RBFOX1: variants seen among roughly 807,000 people sequenced by gnomAD.
The protein encoded by RBFOX1 is RNA binding protein fox-1 homolog 1.
RBFOX1 carries 8 observed loss-of-function variants against 57.7 expected under a neutral mutation model. That is an observed-to-expected ratio of 0.14 (90% CI 0.08 to 0.25). The LOEUF is 0.25. Ranked by LOEUF, RBFOX1 falls within the 10% of genes least tolerant of loss-of-function variation. The pLI, the probability that RBFOX1 is intolerant of heterozygous loss-of-function variation, is 1.00. For missense variants in RBFOX1, 611 were observed against 548.5 expected, an observed-to-expected ratio of 1.11 and a Z score of -1.14; for synonymous variants, 326 against 222.4, an observed-to-expected ratio of 1.47 and a Z score of -4.15.
At chr16:6,864,024 A>C (rs1421597365) in intron 3 of RBFOX1, among the ~76,000 whole-genome samples, 1 of 150,514 alleles carries the variant, frequency 6.6e-6, no homozygotes, top group South Asian at 2.1e-4. Flanking sequence ...ATGCCTTGCA[A>C]AACCTCTAAT....
At chr16:6,658,571 C>T (rs149109646) in intron 3 of RBFOX1, among the ~76,000 whole-genome samples, 1 of 152,062 alleles carries the variant, frequency 6.6e-6, no homozygotes, top group Admixed American at 6.6e-5. Flanking sequence ...AGTCTGGGCT[C>T]GATCTGAGAC....
chr16:6,839,448 C>T (rs1009835473), intron 3 of RBFOX1, among the ~76,000 whole-genome samples: 9 of 152,292 alleles, frequency 5.9e-5, no homozygotes, highest in Non-Finnish European at 1.3e-4. Flanking sequence ...ATTTAACATG[C>T]TTCTGCTATC....
At chr16:7,476,918 A>G (rs978417997) in intron 4 of RBFOX1, among the ~76,000 whole-genome samples, 30 of 152,290 alleles carry the variant, frequency 2.0e-4, no homozygotes, top group African/African-American at 6.7e-4. Context: ...TTTTTCCCCC[A>G]AAGCTTTACC....
chr16:7,584,277 T>A (rs79163126), intron 6 of RBFOX1, among the ~76,000 whole-genome samples: 2,392 of 152,290 alleles, frequency 0.016, 78 homozygotes, highest in African/African-American at 0.055. Context: ...TGTGTGTGCC[T>A]GTAAGCTTCT....
chr16:6,279,129 G>T (rs1205961039), intron 1 of RBFOX1, among the ~76,000 whole-genome samples: 1 of 152,116 alleles, frequency 6.6e-6, no homozygotes, highest in African/African-American at 2.4e-5. Flanking sequence ...AATTAACTCT[G>T]TTAGGTTCTG....
chr16:6,887,002 T>C (rs927199168), intron 3 of RBFOX1, among the ~76,000 whole-genome samples: 1 of 152,176 alleles, frequency 6.6e-6, no homozygotes, highest in African/African-American at 2.4e-5. Context: ...GATAATTTTT[T>C]CCACTTTCTG....
At chr16:6,813,483 C>A (rs1019513898) in intron 3 of RBFOX1, among the ~76,000 whole-genome samples, 1 of 152,060 alleles carries the variant, frequency 6.6e-6, no homozygotes, top group African/African-American at 2.4e-5. Context: ...AGAGACAGGG[C>A]CAATGGCTCT....
intron 3 of RBFOX1, among the ~76,000 whole-genome samples, chr16:5,741,505 C>G (rs908287286): frequency 6.6e-6 from 1 of 152,184 alleles, no homozygotes; most frequent in African/African-American, 2.4e-5. Flanking sequence ...CTCAGAGCCA[C>G]AGTAGCAATT....
At chr16:6,745,324 A>G (rs924272617) in intron 3 of RBFOX1, among the ~76,000 whole-genome samples, 1 of 152,094 alleles carries the variant, frequency 6.6e-6, no homozygotes, top group Non-Finnish European at 1.5e-5. Context: ...GTAATACCAA[A>G]ACCAGGAAAA....
chr16:7,584,043 A>C (rs980313027), intron 6 of RBFOX1, among the ~76,000 whole-genome samples: 2 of 152,214 alleles, frequency 1.3e-5, no homozygotes, highest in African/African-American at 4.8e-5. Context: ...TGAAGTCATT[A>C]TGGGGAGACA....
chr16:7,246,407 C>G (rs1603443465), intron 4 of RBFOX1, among the ~76,000 whole-genome samples: 1 of 152,240 alleles, frequency 6.6e-6, no homozygotes, highest in Non-Finnish European at 1.5e-5. Context: ...ATGTTTTCCT[C>G]TTGAATGTGT....
At chr16:6,944,558 C>G (rs560421676) in intron 3 of RBFOX1, among the ~76,000 whole-genome samples, 1 of 152,106 alleles carries the variant, frequency 6.6e-6, no homozygotes, top group East Asian at 1.9e-4. Context: ...TTGTAGACCT[C>G]TTAGGAAATG....
At chr16:5,700,819 A>G (rs546245520) in intron 3 of RBFOX1, among the ~76,000 whole-genome samples, 1 of 152,172 alleles carries the variant, frequency 6.6e-6, no homozygotes, top group Non-Finnish European at 1.5e-5. Context: ...TATGATCTCA[A>G]TTTGGGTCCC....
chr16:6,450,015 T>C (rs951376424), intron 2 of RBFOX1, among the ~76,000 whole-genome samples: 2 of 152,136 alleles, frequency 1.3e-5, no homozygotes, highest in Non-Finnish European at 2.9e-5. Flanking sequence ...TTTTATTGGA[T>C]TGCAATTTGG....
chr16:7,528,414 T>C (rs1162449035), intron 5 of RBFOX1, among the ~76,000 whole-genome samples: 1 of 152,206 alleles, frequency 6.6e-6, no homozygotes, highest in Non-Finnish European at 1.5e-5. Context: ...AAAGGACTGA[T>C]GTAAGTGTTT....
intron 3 of RBFOX1, among the ~76,000 whole-genome samples, chr16:5,717,702 C>T (rs911314284): frequency 6.6e-6 from 1 of 152,184 alleles, no homozygotes; most frequent in African/African-American, 2.4e-5. Flanking sequence ...CATTTCAACA[C>T]AGCACTCTCT....
At chr16:5,942,540 C>G (rs1197016330) in intron 4 of RBFOX1, among the ~76,000 whole-genome samples, 1 of 152,154 alleles carries the variant, frequency 6.6e-6, no homozygotes, top group Non-Finnish European at 1.5e-5. Flanking sequence ...AGAACAGTGG[C>G]TGGTTATCGT....
At chr16:5,724,361 G>A (rs1447575664) in intron 3 of RBFOX1, among the ~76,000 whole-genome samples, 1 of 152,128 alleles carries the variant, frequency 6.6e-6, no homozygotes, top group Non-Finnish European at 1.5e-5. Context: ...TTATGCTGGG[G>A]CTCTGTGAGA....
intron 3 of RBFOX1, among the ~76,000 whole-genome samples, chr16:6,792,671 G>C (rs1271560252): frequency 6.6e-6 from 1 of 151,962 alleles, no homozygotes; most frequent in African/African-American, 2.4e-5. Flanking sequence ...TTCATTTCTG[G>C]TTTTCATGTC....
Sources: gnomAD v4.1 joint callset for allele counts (sites outside exome capture counted in the v4.1 genomes callset) on GRCh38, gnomAD v4.1.1 for gene constraint, MANE v1.5 for transcripts, NCBI Gene and HGNC (gene_info 2026-07-23, HGNC 2026-07-21) for gene names.